Variants in STK32B observed in about 807,000 individuals in gnomAD.
STK32B encodes serine/threonine-protein kinase 32B.
Under a neutral mutation model 52.6 loss-of-function variants are expected in STK32B, and 43 were observed. That is an observed-to-expected ratio of 0.82 (90% CI 0.64 to 1.05). The LOEUF (loss-of-function observed/expected upper bound fraction) is 1.05. Among genes scored for constraint, STK32B ranks in the 50% least tolerant of loss-of-function variants. The pLI is 0.00. For synonymous variants in STK32B, 238 were observed against 204.3 expected, an observed-to-expected ratio of 1.17 and a Z score of -1.41; for missense variants, 621 against 534.6, an observed-to-expected ratio of 1.16 and a Z score of -1.59.
intron 1 of STK32B, among the ~76,000 whole-genome samples, chr4:5,055,669 C>A (rs1287609919): frequency 2.6e-5 from 4 of 152,146 alleles, no homozygotes; most frequent in Admixed American, 6.5e-5. Flanking sequence ...ACTCCTGGCT[C>A]ACCTGCCTCC....
At chr4:5,320,003 A>G (rs1560316786) in intron 3 of STK32B, among the ~76,000 whole-genome samples, 2 of 152,170 alleles carry the variant, frequency 1.3e-5, no homozygotes, top group Non-Finnish European at 2.9e-5. Context: ...TGTGAAATGA[A>G]CTTGGCAGAT....
intron 3 of STK32B, among the ~76,000 whole-genome samples, chr4:5,299,066 C>T (rs1332785178): frequency 6.6e-6 from 1 of 151,946 alleles, no homozygotes; most frequent in East Asian, 2.0e-4. Flanking sequence ...CCAGCCCCTT[C>T]TGGGCTTCCT....
At chr4:5,437,745 A>G (rs756999640) in intron 6 of STK32B, among the ~76,000 whole-genome samples, 1 of 152,192 alleles carries the variant, frequency 6.6e-6, no homozygotes, top group Non-Finnish European at 1.5e-5. Flanking sequence ...GAGGTAATAT[A>G]GTCCTTAACA....
At position 5,357,020 on chromosome 4, in the gene STK32B, T is replaced by TACAC. The variant is rs1461369182; in HGVS notation, c.434+25628_434+25629insCACA. Among the ~76,000 whole-genome samples the TACAC allele has an allele frequency of 4.3e-3, 643 of 150,324 alleles. 3 individuals carry two copies. Among genetic ancestry groups the TACAC allele is most frequent in the African/African-American group, 0.015 (616 of 40,452 alleles). ...TCTCTCATATGTGTATATATATATA[T>TACAC]ATACACACACACACACACACATATA... On this transcript the variant is annotated intron_variant, in intron 4 of 11. Coordinates refer to ENST00000282908, the MANE Select transcript of STK32B (RefSeq NM_018401.3).
intron 4 of STK32B, among the ~76,000 whole-genome samples, chr4:5,366,814 A>G (rs1196530372): frequency 1.3e-5 from 2 of 152,118 alleles, no homozygotes; most frequent in African/African-American, 2.4e-5. Flanking sequence ...AGTGGCCCTG[A>G]TGGTAGCTGC....
At chr4:5,314,717 G>A (rs10032759) in intron 3 of STK32B, among the ~76,000 whole-genome samples, 36,165 of 152,032 alleles carry the variant, frequency 0.24, 7,055 homozygotes, top group African/African-American at 0.55. Context: ...AAAGTGTAAA[G>A]CTATAAAACT....
At chr4:5,022,112 C>T in the STK32B span, among the ~76,000 whole-genome samples, 1 of 152,208 alleles carries the variant, frequency 6.6e-6, no homozygotes, top group African/African-American at 2.4e-5. Context: ...TCCGGGAATT[C>T]TATCTGCTTT....
intron 6 of STK32B, among the ~76,000 whole-genome samples, chr4:5,422,726 T>C (rs1047178899): frequency 6.6e-6 from 1 of 152,152 alleles, no homozygotes; most frequent in Non-Finnish European, 1.5e-5. Flanking sequence ...CTCACACAGA[T>C]TGTATGAACA....
In STK32B at chr4:5,290,421, T is replaced by C. The variant is rs115016303; in HGVS notation, c.261-40799T>C. ...TTTCTGCCTACATTTTTAAACTTTT[T>C]TGTTAAATACTAAGACACAAACACA... On this transcript the variant is annotated intron_variant, in intron 3 of 11. Transcript: ENST00000282908. Among the ~76,000 whole-genome samples the C allele has an allele frequency of 5.0e-3, 758 of 152,292 alleles. 8 individuals are homozygous for C. Among genetic ancestry groups the C allele is most frequent in the South Asian group, 0.017 (82 of 4,824 alleles).
At chr4:5,255,461 T>A (rs188944221) in intron 3 of STK32B, among the ~76,000 whole-genome samples, 1 of 152,154 alleles carries the variant, frequency 6.6e-6, no homozygotes, top group Non-Finnish European at 1.5e-5. Flanking sequence ...TACAGCAAAG[T>A]GAATTGGTCT....
intron 11 of STK32B, 95 bp downstream of exon 11, chr4:5,468,165 C>T (rs1450958892): frequency 1.5e-6 from 2 of 1,315,914 alleles, no homozygotes; most frequent in Non-Finnish European, 2.2e-6. Flanking sequence ...CCAAACCGGC[C>T]TTGACGACAA....
chr4:5,327,662 A>T (rs1731966516), intron 3 of STK32B, among the ~76,000 whole-genome samples: 1 of 152,226 alleles, frequency 6.6e-6, no homozygotes, highest in African/African-American at 2.4e-5. Context: ...TTCCACTTAT[A>T]GAACACAGGC....
Position 5,384,792 on chromosome 4 carries a change from G to A in STK32B, c.435-13415G>A, listed in dbSNP as rs183348378. 1.9e-3 allele frequency among the ~76,000 whole-genome samples: 285 copies of A among 152,258 alleles called. 2 individuals are homozygous for A. In the Middle Eastern group the frequency reaches 0.027, roughly 15 times the overall value. The stretch of plus-strand genomic sequence containing the variant: ...TGGGTGCCCGTGGGACTGAAGAATT[G>A]CAGGAAACAGAAGGAAGGGGCTGTG... On this transcript the variant is annotated intron_variant, in intron 4 of 11. Transcript: ENST00000282908.
intron 3 of STK32B, among the ~76,000 whole-genome samples, chr4:5,309,359 A>G (rs1225563981): frequency 2.0e-5 from 3 of 146,842 alleles, no homozygotes; most frequent in Non-Finnish European, 4.4e-5. Flanking sequence ...TACCAATGAC[A>G]TTCATCACAG....
At chr4:5,401,517 C>T (rs980616072) in intron 5 of STK32B, among the ~76,000 whole-genome samples, 2 of 152,200 alleles carry the variant, frequency 1.3e-5, no homozygotes, top group Non-Finnish European at 2.9e-5. Flanking sequence ...GTCTGCCTTA[C>T]TTTCTGATCT....
At chr4:5,478,468 A>G (rs1279521342) in intron 11 of STK32B, among the ~76,000 whole-genome samples, 1 of 152,202 alleles carries the variant, frequency 6.6e-6, no homozygotes, top group Non-Finnish European at 1.5e-5. Context: ...CAGAACTTTA[A>G]TGCTTCTGGC....
chr4:5,437,101 C>T (rs1391542277), intron 6 of STK32B, among the ~76,000 whole-genome samples: 1 of 152,194 alleles, frequency 6.6e-6, no homozygotes, highest in Non-Finnish European at 1.5e-5. Context: ...CTCAATTACT[C>T]CTGGCGGTTG....
chr4:5,230,208 T>TTTTTTTTTTTTTTTTTTG (rs58022709), intron 3 of STK32B, among the ~76,000 whole-genome samples: 3 of 103,474 alleles, frequency 2.9e-5, no homozygotes, highest in Non-Finnish European at 4.0e-5. Context: ...TTTTTTTTTT[T>TTTTTTTTTTTTTTTTTTG]TAGTGGAGTC....
At chr4:5,407,579 C>T (rs1418114844) in intron 5 of STK32B, among the ~76,000 whole-genome samples, 1 of 151,938 alleles carries the variant, frequency 6.6e-6, no homozygotes, top group African/African-American at 2.4e-5. Context: ...TTGGTGAGGC[C>T]TCAGGGAACT....
Sources: allele counts gnomAD v4.1 joint callset (sites outside exome capture counted in the v4.1 genomes callset), GRCh38; gene constraint gnomAD v4.1.1; transcripts MANE v1.5; gene names NCBI Gene and HGNC (gene_info 2026-07-23, HGNC 2026-07-21).